LRRC4C: variants seen among roughly 807,000 people sequenced by gnomAD.
LRRC4C encodes leucine-rich repeat-containing protein 4C.
Under a neutral mutation model 33.6 loss-of-function variants are expected in LRRC4C, and 5 were observed. The observed-to-expected ratio is 0.15, with a 90% CI of 0.08 to 0.31. LRRC4C has a LOEUF of 0.31. Ranked by LOEUF, LRRC4C falls within the 10% of genes least tolerant of loss-of-function variation. The pLI is 1.00. For synonymous variants in LRRC4C, 329 were observed against 302.0 expected (o/e 1.09, Z -0.93); for missense variants, 560 against 796.7 (o/e 0.70, Z 3.58).
chr11:40,441,980 G>C (rs1231233288), intron 3 of LRRC4C, among the ~76,000 whole-genome samples: 1 of 151,960 alleles, frequency 6.6e-6, no homozygotes, highest in African/African-American at 2.4e-5. Context: ...GGCTAACACG[G>C]TGAAACCCCA....
intron 1 of LRRC4C, among the ~76,000 whole-genome samples, chr11:41,157,831 G>A (rs868006834): frequency 1.3e-4 from 20 of 152,052 alleles, no homozygotes; most frequent in African/African-American, 3.6e-4. Flanking sequence ...ACAGGCATAC[G>A]ATGCAAAATA....
Position 40,419,367 on chromosome 11 carries a change from G to A in LRRC4C, c.-269-99646C>T, listed in dbSNP as rs1011010931. Among the ~76,000 whole-genome samples, 3 of 152,086 alleles carry A rather than the reference G, an allele frequency of 2.0e-5. No individual in the cohort carries two copies. In the South Asian group the frequency reaches 6.2e-4, roughly 31 times the overall value. On this transcript the variant is annotated intron_variant, in intron 3 of 6. Coordinates refer to ENST00000528697, the MANE Select transcript of LRRC4C (RefSeq NM_001258419.2). ...ATGCTTAGACAATCATAATCAAATT[G>A]TTGAAATCTAAATATAAAAAATTAT... is the stretch of plus-strand genomic sequence containing the variant.
intron 1 of LRRC4C, among the ~76,000 whole-genome samples, chr11:41,089,117 G>A (rs1940214047): frequency 6.6e-6 from 1 of 151,666 alleles, no homozygotes; most frequent in African/African-American, 2.4e-5. Context: ...ATAAATGTAG[G>A]GTCCCCATAG....
At chr11:40,743,951 A>G (rs1284853453) in intron 2 of LRRC4C, among the ~76,000 whole-genome samples, 2 of 151,910 alleles carry the variant, frequency 1.3e-5, no homozygotes, top group East Asian at 3.9e-4. Context: ...TGTAACTTCT[A>G]TTTTTCCTTC....
intron 1 of LRRC4C, among the ~76,000 whole-genome samples, chr11:41,161,640 T>C (rs2088623613): frequency 6.6e-6 from 1 of 152,224 alleles, no homozygotes; most frequent in East Asian, 1.9e-4. Context: ...ACTGAAATCC[T>C]GAGTCAAAAA....
chr11:41,083,378 A>T (rs1293671742), intron 1 of LRRC4C, among the ~76,000 whole-genome samples: 1 of 152,142 alleles, frequency 6.6e-6, no homozygotes, highest in African/African-American at 2.4e-5. Context: ...CTTTTTATCA[A>T]AACCTAAGGT....
Position 41,012,034 on chromosome 11 carries a change from G to A in LRRC4C, c.-495-78311C>T, listed in dbSNP as rs74461864. 4.9e-3 allele frequency among the ~76,000 whole-genome samples: 746 copies of A among 151,154 alleles called. 8 individuals are homozygous for A. The highest frequency in any genetic ancestry group is 0.017 in the African/African-American group (710 of 41,276). Reference sequence around the variant, plus strand: ...AATCCTATAATTTGTAAAGATCAGCGTTCTTGGGATATCCATCATCATAAA... The same window carrying A: ...AATCCTATAATTTGTAAAGATCAGCATTCTTGGGATATCCATCATCATAAA... On this transcript the variant is annotated intron_variant, in intron 1 of 6. Transcript: ENST00000528697.
chr11:40,967,968 G>A (rs116481571), intron 1 of LRRC4C, among the ~76,000 whole-genome samples: 2,111 of 151,970 alleles, frequency 0.014, 55 homozygotes, highest in African/African-American at 0.049. Flanking sequence ...TAAATCCAAA[G>A]GTAGAAAGAT....
At chr11:40,849,472 ACT>A (rs974877881) in intron 2 of LRRC4C, among the ~76,000 whole-genome samples, 1 of 151,834 alleles carries the variant, frequency 6.6e-6, no homozygotes, top group Non-Finnish European at 1.5e-5. Context: ...ATTGGCCCCC[ACT>A]CTCTTCTGGC....
intron 2 of LRRC4C, among the ~76,000 whole-genome samples, chr11:40,698,067 CA>C (rs10713512): frequency 0.33 from 35,174 of 105,224 alleles, 4,047 homozygotes; most frequent in South Asian, 0.45. Context: ...GACTCTGTCT[CA>C]AAAAAAAAAA....
intron 3 of LRRC4C, among the ~76,000 whole-genome samples, chr11:40,404,370 TGTGGCGATCTCTAAAATA>T (rs1364394459): frequency 6.6e-6 from 1 of 152,142 alleles, no homozygotes; most frequent in Non-Finnish European, 1.5e-5. Context: ...CACTAGATTT[TGTGGCGATCTCTAAAATA>T]GTGCATAATA....
At chr11:40,210,695 G>A (rs147165498) in intron 5 of LRRC4C, among the ~76,000 whole-genome samples, 54 of 152,264 alleles carry the variant, frequency 3.5e-4, no homozygotes, top group African/African-American at 1.3e-3. Flanking sequence ...GCTCCTGTAA[G>A]AACAATTCCT....
At chr11:40,633,410 A>G (rs1357058584) in intron 3 of LRRC4C, among the ~76,000 whole-genome samples, 1 of 34,122 alleles carries the variant, frequency 2.9e-5, no homozygotes, top group African/African-American at 8.9e-5. Context: ...TTTTTTTTTG[A>G]CAGAGTCTCA....
At chr11:40,808,468 T>A (rs968840275) in intron 2 of LRRC4C, among the ~76,000 whole-genome samples, 1 of 152,178 alleles carries the variant, frequency 6.6e-6, no homozygotes, top group African/African-American at 2.4e-5. Context: ...AGTAATTCAA[T>A]TGTAGCACTT....
rs1308189059 is a variant in LRRC4C at position 40,462,503 on chromosome 11, A to G, written c.-269-142782T>C. Among the ~76,000 whole-genome samples the G allele has an allele frequency of 7.3e-4, 110 of 151,086 alleles. 1 individual carries two copies. Among genetic ancestry groups the G allele is most frequent in the Non-Finnish European group, 4.4e-5 (3 of 67,982 alleles). ...AATCAAATTAAACAAAACTTCATTGAGTCTTAACTTAGAGGCCAGGCATAA... is the reference window on the plus strand; with the variant it reads ...AATCAAATTAAACAAAACTTCATTGGGTCTTAACTTAGAGGCCAGGCATAA... On this transcript the variant is annotated intron_variant, in intron 3 of 6. Coordinates refer to ENST00000528697, the MANE Select transcript of LRRC4C (RefSeq NM_001258419.2).
chr11:40,337,349 T>C (rs954169007), intron 3 of LRRC4C, among the ~76,000 whole-genome samples: 1 of 152,214 alleles, frequency 6.6e-6, no homozygotes, highest in African/African-American at 2.4e-5. Flanking sequence ...TTTACATTTT[T>C]AAATAATCAG....
At position 40,849,491 on chromosome 11, in the gene LRRC4C, G is replaced by A. The variant is rs748434371; in HGVS notation, c.-407+84144C>T. Among the ~76,000 whole-genome samples the A allele has an allele frequency of 6.6e-5, 10 of 152,238 alleles. 1 individual carries two copies. In the South Asian group the frequency reaches 2.1e-3, roughly 32 times the overall value. ...GCCCCCACTCTCTTCTGGCTTGCAGGGTTTCTGCAGAGAGATCCCCTGTTA... is the reference window on the plus strand; with the variant it reads ...GCCCCCACTCTCTTCTGGCTTGCAGAGTTTCTGCAGAGAGATCCCCTGTTA... On this transcript the variant is annotated intron_variant, in intron 2 of 6. Coordinates refer to ENST00000528697, the MANE Select transcript of LRRC4C (RefSeq NM_001258419.2).
At chr11:40,936,882 A>G (rs1957926107) in intron 1 of LRRC4C, among the ~76,000 whole-genome samples, 1 of 152,210 alleles carries the variant, frequency 6.6e-6, no homozygotes, top group Non-Finnish European at 1.5e-5. Flanking sequence ...TGAAATTAGA[A>G]TTATATAATC....
chr11:40,711,883 A>G (rs1946483062), intron 2 of LRRC4C, among the ~76,000 whole-genome samples: 1 of 152,236 alleles, frequency 6.6e-6, no homozygotes, highest in South Asian at 2.1e-4. Flanking sequence ...TAACAAATTA[A>G]TCACATCAGG....
Sources: allele counts gnomAD v4.1 joint callset (sites outside exome capture counted in the v4.1 genomes callset), GRCh38; gene constraint gnomAD v4.1.1; transcripts MANE v1.5; gene names NCBI Gene and HGNC (gene_info 2026-07-23, HGNC 2026-07-21).